Variants in WDR75 observed in about 807,000 individuals in gnomAD.
The protein encoded by WDR75 is WD repeat domain 75.
Under a neutral mutation model 106.1 loss-of-function variants are expected in WDR75, and 52 were observed. The ratio of observed to expected loss-of-function variants is 0.49; its 90% confidence interval spans 0.39 to 0.62. The LOEUF (loss-of-function observed/expected upper bound fraction) is 0.62. WDR75 is among the 20% of genes least tolerant of loss of function. WDR75 has a pLI of 0.00. For missense variants in WDR75, 905 were observed against 970.3 expected (o/e 0.93, Z 0.89); for synonymous variants, 333 against 335.5 (o/e 0.99, Z 0.08).
intron 5 of WDR75, 166 bp downstream of exon 5, chr2:189,455,610 GA>G (rs1179826353): frequency 3.9e-5 from 33 of 847,666 alleles, no homozygotes; most frequent in Admixed American, 9.4e-5. Flanking sequence ...TTATGGTATA[GA>G]TTTTTTTAGG....
rs1686570216 is a variant in WDR75 at position 189,449,438 on chromosome 2, A to G, written c.216+930A>G. The G allele has an allele frequency of 4.9e-6, 6 of 1,214,156 alleles. No individual in the cohort carries two copies. In the Admixed American group the frequency reaches 1.6e-4, roughly 32 times the overall value. 75.2% of individuals were successfully genotyped at this position (1,214,156 alleles called of 1,614,324 possible). On this transcript the variant is annotated intron_variant, in intron 2 of 20. Transcript: ENST00000314761. ...CTTGCCGTCCTCTGAGGGTTTGACAAAAGTTTATCGCTGTGTGTAGTGTTT... is the reference window on the plus strand; with the variant it reads ...CTTGCCGTCCTCTGAGGGTTTGACAGAAGTTTATCGCTGTGTGTAGTGTTT...
chr2:189,451,433 G>A (rs1686619530), intron 3 of WDR75, among the ~76,000 whole-genome samples: 1 of 152,166 alleles, frequency 6.6e-6, no homozygotes, highest in Non-Finnish European at 1.5e-5. Flanking sequence ...TGGAGAAACA[G>A]GCACTTTTTT....
chr2:189,448,609 A>G (rs565556976), intron 2 of WDR75, 101 bp downstream of exon 2: 54 of 1,465,250 alleles, frequency 3.7e-5, no homozygotes, highest in Admixed American at 1.9e-4. Context: ...TTATAAGTAA[A>G]ATATTTGCTT....
intron 15 of WDR75, among the ~76,000 whole-genome samples, chr2:189,469,085 T>C (rs1687062537): frequency 6.6e-6 from 1 of 152,156 alleles, no homozygotes; most frequent in South Asian, 2.1e-4. Context: ...TGTACACATT[T>C]AGCAGCATCA....
Position 189,458,885 on chromosome 2 carries a change from A to G in WDR75, c.689+13A>G, listed in dbSNP as rs374545235. The G allele has an allele frequency of 1.6e-5, 25 of 1,597,830 alleles. No homozygotes were observed. The highest frequency in any genetic ancestry group is 2.0e-5 in the Non-Finnish European group (23 of 1,173,770). ...AAATTCGTCTTTGGTCAGTTTGCTCATGAAGAGCATGGCGATCATTTATGT... is the reference window on the plus strand; with the variant it reads ...AAATTCGTCTTTGGTCAGTTTGCTCGTGAAGAGCATGGCGATCATTTATGT... On this transcript the variant is annotated intron_variant, in intron 7 of 20. Coordinates refer to ENST00000314761, the MANE Select transcript of WDR75 (RefSeq NM_032168.3).
intron 4 of WDR75, 170 bp downstream of exon 4, chr2:189,452,065 GA>G: frequency 3.6e-6 from 2 of 556,344 alleles, no homozygotes; most frequent in South Asian, 4.8e-5. Flanking sequence ...TATGAATTCT[GA>G]AATATGCAGT....
At chr2:189,445,012 A>G (rs188291444) in intron 1 of WDR75, among the ~76,000 whole-genome samples, 22 of 152,266 alleles carry the variant, frequency 1.4e-4, no homozygotes, top group African/African-American at 4.6e-4. Flanking sequence ...GATGAATCCT[A>G]TGTGACAGGT....
intron 4 of WDR75, among the ~76,000 whole-genome samples, chr2:189,454,913 T>A (rs1415453373): frequency 6.6e-6 from 1 of 152,156 alleles, no homozygotes; most frequent in East Asian, 1.9e-4. Context: ...AGCCTAGAAT[T>A]ATTATCTTGC....
rs1686801144 is a variant in WDR75, at chr2:189,458,886, T to C, written c.689+14T>C. On this transcript the variant is annotated intron_variant, in intron 7 of 20. Transcript: ENST00000314761. ...AATTCGTCTTTGGTCAGTTTGCTCA[T>C]GAAGAGCATGGCGATCATTTATGTA... The C allele has an allele frequency of 1.9e-6, 3 of 1,597,716 alleles. No homozygotes were observed. Among genetic ancestry groups the C allele is most frequent in the Non-Finnish European group, 1.7e-6 (2 of 1,173,714 alleles).
intron 8 of WDR75, among the ~76,000 whole-genome samples, 180 bp from the exon 9 acceptor site, chr2:189,462,304 A>AT (rs1309926881): frequency 4.6e-5 from 7 of 152,216 alleles, no homozygotes; most frequent in Admixed American, 4.6e-4. Context: ...TGGAAAAAAA[A>AT]TTCCTGAACC....
chr2:189,442,400 T>C (rs1686394652), intron 1 of WDR75, among the ~76,000 whole-genome samples: 1 of 149,544 alleles, frequency 6.7e-6, no homozygotes, highest in African/African-American at 2.5e-5. Context: ...CTTAGAAGAG[T>C]AGAGATAGTA....
At chr2:189,444,535 T>G (rs1686453650) in intron 1 of WDR75, among the ~76,000 whole-genome samples, 1 of 152,024 alleles carries the variant, frequency 6.6e-6, no homozygotes, top group African/African-American at 2.4e-5. Flanking sequence ...AAACAATGAG[T>G]CATCCTTGCC....
At chr2:189,469,511 C>G in intron 16 of WDR75, 72 bp downstream of exon 16, 1 of 1,318,968 alleles carries the variant, frequency 7.6e-7, no homozygotes, top group Non-Finnish European at 1.1e-6. Context: ...TAATTTGAGC[C>G]AAACTTGCCT....
At chr2:189,450,837 T>A in intron 2 of WDR75, 66 bp from the exon 3 acceptor site, 1 of 1,592,188 alleles carries the variant, frequency 6.3e-7, no homozygotes, top group Non-Finnish European at 8.5e-7. Context: ...AACATTTAAT[T>A]ATTCATTTGA....
intron 5 of WDR75, 145 bp from the exon 6 acceptor site, chr2:189,457,166 G>A (rs1408857272): frequency 1.4e-5 from 8 of 569,362 alleles, no homozygotes; most frequent in African/African-American, 9.7e-5. Context: ...ACTTGAACTC[G>A]GGAGGCAGAG....
intron 18 of WDR75, 136 bp downstream of exon 18, chr2:189,471,014 T>C (rs932652401): frequency 6.7e-6 from 3 of 448,442 alleles, no homozygotes; most frequent in Non-Finnish European, 1.1e-5. Context: ...TAAACTGATA[T>C]GTGTCTCTTG....
intron 11 of WDR75, 185 bp downstream of exon 11, chr2:189,464,146 T>C: frequency 1.7e-6 from 1 of 599,384 alleles, no homozygotes; most frequent in South Asian, 2.1e-5. Context: ...CAGTTGCAGG[T>C]TACATGTAAG....
chr2:189,467,953 G>A (rs1011683182), intron 14 of WDR75, among the ~76,000 whole-genome samples: 3 of 152,134 alleles, frequency 2.0e-5, no homozygotes, highest in Non-Finnish European at 4.4e-5. Context: ...TATTTTCTGT[G>A]TATTCCCATA....
At chr2:189,457,851 C>T (rs964074758) in intron 6 of WDR75, among the ~76,000 whole-genome samples, 7 of 151,428 alleles carry the variant, frequency 4.6e-5, no homozygotes, top group South Asian at 2.1e-4. Context: ...TTTAGAGCAG[C>T]TAGTGCTAAG....
Sources: gnomAD v4.1 joint callset for allele counts (sites outside exome capture counted in the v4.1 genomes callset) on GRCh38, gnomAD v4.1.1 for gene constraint, MANE v1.5 for transcripts, NCBI Gene and HGNC (gene_info 2026-07-23, HGNC 2026-07-21) for gene names.